Variants in ELL2 observed in about 807,000 individuals in gnomAD.
ELL2 encodes the protein RNA polymerase II elongation factor ELL2.
ELL2 carries 21 observed loss-of-function variants against 72.8 expected under a neutral mutation model. The ratio of observed to expected loss-of-function variants is 0.29; its 90% CI spans 0.20 to 0.42. The LOEUF is 0.42. Among genes scored for constraint, ELL2 ranks in the 10% least tolerant of loss-of-function variants. The pLI is 1.00. For missense variants in ELL2, 568 were observed against 772.8 expected (o/e 0.73, Z 3.14); for synonymous variants, 266 against 283.2 (o/e 0.94, Z 0.61).
chr5:95,933,035 T>A (rs765328807), intron 2 of ELL2, among the ~76,000 whole-genome samples: 6 of 152,206 alleles, frequency 3.9e-5, no homozygotes, highest in Non-Finnish European at 8.8e-5. Flanking sequence ...AGTATTTTAC[T>A]CATGTCAGAT....
At chr5:95,954,485 C>T (rs1272286699) in intron 1 of ELL2, among the ~76,000 whole-genome samples, 2 of 149,460 alleles carry the variant, frequency 1.3e-5, no homozygotes, top group East Asian at 1.9e-4. Context: ...TGGCTCACTG[C>T]AAGCTCTGCC....
At chr5:95,903,481 G>A (rs1232613371) in intron 5 of ELL2, among the ~76,000 whole-genome samples, 3 of 151,808 alleles carry the variant, frequency 2.0e-5, no homozygotes, top group South Asian at 2.1e-4. Context: ...CCCCCACCTC[G>A]GCCTCCTAAA....
chr5:95,936,519 A>G (rs1314515968), intron 2 of ELL2, among the ~76,000 whole-genome samples: 1 of 152,108 alleles, frequency 6.6e-6, no homozygotes, highest in African/African-American at 2.4e-5. Flanking sequence ...GTGGTAGATC[A>G]CCCCTGTAAT....
intron 1 of ELL2, among the ~76,000 whole-genome samples, chr5:95,952,445 C>T (rs963362740): frequency 3.3e-5 from 5 of 151,974 alleles, no homozygotes; most frequent in South Asian, 4.2e-4. Context: ...ACACATACCC[C>T]GAACCTAAAA....
At chr5:95,951,962 C>G (rs1751424426) in intron 1 of ELL2, among the ~76,000 whole-genome samples, 1 of 152,168 alleles carries the variant, frequency 6.6e-6, no homozygotes, top group African/African-American at 2.4e-5. Flanking sequence ...AGTTCTGCCA[C>G]TTACTGAGAT....
chr5:95,914,553 A>G (rs1303632556), intron 3 of ELL2, among the ~76,000 whole-genome samples: 2 of 152,166 alleles, frequency 1.3e-5, no homozygotes, highest in African/African-American at 4.8e-5. Flanking sequence ...AATGATTTTT[A>G]TAGCAATTTT....
intron 1 of ELL2, among the ~76,000 whole-genome samples, chr5:95,956,487 A>C (rs1751631526): frequency 6.6e-6 from 1 of 152,230 alleles, no homozygotes; most frequent in Non-Finnish European, 1.5e-5. Flanking sequence ...TTACTTAATA[A>C]ACATGTCCAA....
At position 95,906,751 on chromosome 5, in the gene ELL2, T is replaced by C. The variant is rs146378855; in HGVS notation, c.513A>G (p.Gln171=). Residue 171 remains glutamine (Q), a synonymous_variant, in exon 5 of 12, where the codon CAA becomes CAG. Coordinates refer to ENST00000237853, the MANE Select transcript of ELL2 (RefSeq NM_012081.6). ...TCTCAGGAACTGTATCTGAAACAGC[T>C]TGAGGTGCTTTCCGAATTTGCACTC... ...GKRVQIRKAP[Q]AVSDTVPERK... The C allele has an allele frequency of 6.2e-7, 1 of 1,612,862 alleles. No homozygotes were observed. The highest frequency in any genetic ancestry group is 8.5e-7 in the Non-Finnish European group (1 of 1,179,262).
At chr5:95,934,498 C>T (rs2112336765) in intron 2 of ELL2, among the ~76,000 whole-genome samples, 1 of 152,292 alleles carries the variant, frequency 6.6e-6, no homozygotes, top group South Asian at 2.1e-4. Context: ...GCCACTGCTC[C>T]AAAACATCAA....
intron 3 of ELL2, among the ~76,000 whole-genome samples, chr5:95,916,475 T>C (rs1246503660): frequency 3.3e-5 from 5 of 151,964 alleles, no homozygotes; most frequent in Non-Finnish European, 1.5e-5. Flanking sequence ...AAGAGTACTG[T>C]GTAATGTAAG....
intron 2 of ELL2, among the ~76,000 whole-genome samples, chr5:95,929,834 T>G (rs1750534071): frequency 6.6e-6 from 1 of 151,202 alleles, no homozygotes; most frequent in African/African-American, 2.4e-5. Context: ...CTGCCTGCTG[T>G]GTGGTACAAA....
chr5:95,901,212 T>G (rs1258959274), intron 5 of ELL2, 132 bp from the exon 6 acceptor site: 2 of 918,548 alleles, frequency 2.2e-6, no homozygotes, highest in Non-Finnish European at 3.1e-6. Context: ...AGTTTTGTAT[T>G]ATATGCCAGA....
At position 95,898,741 on chromosome 5, in the gene ELL2, T is replaced by C. The variant is rs1748989805; in HGVS notation, c.1024A>G (p.Asn342Asp). The change falls in exon 8 of 12, where the codon AAC (asparagine) becomes GAC (aspartate). Residue 342 changes from asparagine (N) to aspartate (D), a missense_variant. Transcript: ENST00000237853. ...NKKARISHLT[N>D]RVPPTLNGHL... ...CCATTTAGTGTTGGTGGTACTCTGTTCGTCAGGTGAGATATTCGGGCTTTT... is the reference window on the plus strand; with the variant it reads ...CCATTTAGTGTTGGTGGTACTCTGTCCGTCAGGTGAGATATTCGGGCTTTT... 1 of 1,580,738 alleles carries C rather than the reference T, an allele frequency of 6.3e-7. No individual in the cohort carries two copies. Among genetic ancestry groups the C allele is most frequent in the African/African-American group, 1.4e-5 (1 of 73,418 alleles).
chr5:95,897,187 A>G (rs983954118), intron 8 of ELL2, among the ~76,000 whole-genome samples: 2 of 152,254 alleles, frequency 1.3e-5, no homozygotes, highest in African/African-American at 4.8e-5. Context: ...CTAAAAGAAA[A>G]TAGAGCTTCT....
At chr5:95,948,637 C>T (rs2548595) in intron 1 of ELL2, among the ~76,000 whole-genome samples, 48,060 of 151,524 alleles carry the variant, frequency 0.32, 8,887 homozygotes, top group African/African-American at 0.52. Flanking sequence ...GACCTCAACT[C>T]ATTGTATCTT....
intron 10 of ELL2, chr5:95,890,878 C>T (rs1313528619): frequency 3.7e-6 from 2 of 547,910 alleles, no homozygotes; most frequent in African/African-American, 1.9e-5. Context: ...ATATGTGATA[C>T]ATTATAGTGG....
At chr5:95,951,142 G>T (rs1751380136) in intron 1 of ELL2, among the ~76,000 whole-genome samples, 1 of 151,236 alleles carries the variant, frequency 6.6e-6, no homozygotes. Context: ...GGCCGACGTG[G>T]GTGGATCACA....
In ELL2 at chr5:95,944,735, T is replaced by C. The variant is rs17085324; in HGVS notation, c.148-1686A>G. Among the ~76,000 whole-genome samples, 533 of 152,352 alleles carry C rather than the reference T, an allele frequency of 3.5e-3. 6 individuals carry two copies. The highest frequency in any genetic ancestry group is 0.012 in the African/African-American group (483 of 41,578). ...GCTTTCACAATATTTCCATCAGTCC[T>C]GCTTTCTGAATGTCTCTCCAAATCA... On this transcript the variant is annotated intron_variant, in intron 1 of 11. Transcript: ENST00000237853.
chr5:95,898,955 TA>T lies in ELL2; in HGVS notation c.955-146del, dbSNP rs550246759. The T allele has an allele frequency of 1.2e-4, 64 of 551,794 alleles. 1 individual carries two copies. In the Middle Eastern group the frequency reaches 2.2e-3, roughly 19 times the overall value. The allele number at this position is 551,794 out of a possible 1,614,324, so 34.2% of individuals were successfully genotyped here. ...TAATATTACACGCTTTCTTCATGCT[TA>T]AGCAAAAAACAAACAAACAAAAAAC... On this transcript the variant is annotated intron_variant, in intron 7 of 11. Coordinates refer to ENST00000237853, the MANE Select transcript of ELL2 (RefSeq NM_012081.6).
Sources: gnomAD v4.1 joint callset for allele counts (sites outside exome capture counted in the v4.1 genomes callset) on GRCh38, gnomAD v4.1.1 for gene constraint, MANE v1.5 for transcripts, NCBI Gene and HGNC (gene_info 2026-07-23, HGNC 2026-07-21) for gene names.